DCHS2: variants seen among roughly 807,000 people sequenced by gnomAD.
The protein encoded by DCHS2 is protocadherin-23.
In DCHS2, 142 loss-of-function variants were observed where a neutral mutation model predicts 182.4. The observed-to-expected ratio is 0.78, with a 90% CI of 0.68 to 0.89. DCHS2 has a LOEUF of 0.89. Ranked by LOEUF, DCHS2 falls within the 40% of genes least tolerant of loss-of-function variation. The probability of loss-of-function intolerance (pLI) is 0.00; values close to 1 mark genes in which losing one functional copy is unlikely to be tolerated. For missense variants in DCHS2, 4,319 were observed against 4,198.6 expected (o/e 1.03, Z -0.79); for synonymous variants, 1,740 against 1,663.3 (o/e 1.05, Z -1.12).
chr4:154,357,236 A>G (rs748354802), intron 3 of DCHS2: 1 of 1,611,798 alleles, frequency 6.2e-7, no homozygotes, highest in African/African-American at 1.3e-5. Flanking sequence ...GCCTTAGCAG[A>G]GGTAAAAACA....
At chr4:154,350,214 A>G (rs892897109) in intron 3 of DCHS2, among the ~76,000 whole-genome samples, 1 of 152,220 alleles carries the variant, frequency 6.6e-6, no homozygotes, top group Non-Finnish European at 1.5e-5. Context: ...TTTCTGAAAA[A>G]GTTGTTCTTA....
chr4:154,332,847 T>G lies in DCHS2; in HGVS notation c.3361A>C (p.Arg1121=). The G allele has an allele frequency of 6.2e-7, 1 of 1,614,166 alleles. No individual in the cohort carries two copies. Among genetic ancestry groups the G allele is most frequent in the Non-Finnish European group, 8.5e-7 (1 of 1,180,034 alleles). Residue 1121 remains arginine, a synonymous_variant, in exon 5 of 20, where the codon AGG becomes CGG. Coordinates refer to ENST00000357232, the MANE Select transcript of DCHS2 (RefSeq NM_001358235.2). Reference sequence around the variant, plus strand: ...TCTACGCTGGGTTCCAGCGAGTACCTAAGAGGCGAGGCTGCACGCTGGGGG... The same window carrying G: ...TCTACGCTGGGTTCCAGCGAGTACCGAAGAGGCGAGGCTGCACGCTGGGGG... ...LGPQRAASPL[R]YSLEPSVDSA...
intron 1 of DCHS2, among the ~76,000 whole-genome samples, chr4:154,418,513 G>T (rs1443765607): frequency 1.3e-5 from 2 of 152,036 alleles, no homozygotes; most frequent in Non-Finnish European, 2.9e-5. Flanking sequence ...CATATCAAAG[G>T]AATTTGTAAA....
At chr4:154,239,034 T>C in intron 19 of DCHS2, 136 bp downstream of exon 19, 3 of 1,198,398 alleles carry the variant, frequency 2.5e-6, no homozygotes, top group Non-Finnish European at 3.4e-6. Flanking sequence ...TGAAGAGTAA[T>C]GAAACAGTCG....
chr4:154,259,795 T>C, intron 14 of DCHS2, 39 bp from the exon 15 acceptor site: 1 of 1,542,372 alleles, frequency 6.5e-7, no homozygotes, highest in South Asian at 1.3e-5. Flanking sequence ...GAAAATGATG[T>C]TGTAGTTATT....
At position 154,412,530 on chromosome 4, in the gene DCHS2, C is replaced by T. The variant is rs142558385; in HGVS notation, c.2053-35086G>A. The stretch of plus-strand genomic sequence containing the variant: ...GGTCCCTCACCGAGAAAATGTTCCT[C>T]ATCCATAATATACGCAAAACTGAAA... On this transcript the variant is annotated intron_variant, in intron 1 of 19. Transcript: ENST00000357232. 5.1e-3 allele frequency among the ~76,000 whole-genome samples: 771 copies of T among 152,264 alleles called. 5 individuals are homozygous for T. The highest frequency in any genetic ancestry group is 0.011 in the Admixed American group (170 of 15,288).
chr4:154,315,459 G>C lies in DCHS2; in HGVS notation c.5260+289C>G, dbSNP rs115499575. ...TACTCTGAAAGAAATGTGATGCTTT[G>C]TCCATACTTCGATTATCAAGATCAA... On this transcript the variant is annotated intron_variant, in intron 10 of 19. Coordinates refer to ENST00000357232, the MANE Select transcript of DCHS2 (RefSeq NM_001358235.2). Among the ~76,000 whole-genome samples the C allele has an allele frequency of 5.8e-3, 885 of 152,100 alleles. 9 individuals carry two copies. Among genetic ancestry groups the C allele is most frequent in the African/African-American group, 0.021 (862 of 41,494 alleles).
chr4:154,474,156 G>A (rs964051160), intron 1 of DCHS2, among the ~76,000 whole-genome samples: 5 of 152,128 alleles, frequency 3.3e-5, no homozygotes, highest in African/African-American at 9.7e-5. Context: ...CTTCTCCCCT[G>A]TCTCGAACTT....
intron 5 of DCHS2, among the ~76,000 whole-genome samples, chr4:154,331,099 A>G (rs1158290241): frequency 1.3e-5 from 2 of 152,122 alleles, no homozygotes; most frequent in African/African-American, 4.8e-5. Flanking sequence ...CCAGGCTCTG[A>G]AGGACACCCT....
intron 1 of DCHS2, among the ~76,000 whole-genome samples, chr4:154,425,423 C>T (rs1245467957): frequency 6.6e-6 from 1 of 152,230 alleles, no homozygotes; most frequent in Non-Finnish European, 1.5e-5. Flanking sequence ...ACCGAGGTCA[C>T]TTGCATTTCC....
Position 154,315,887 on chromosome 4 carries a change from GGA to G in DCHS2, c.5119_5120del (p.Ser1707ProfsTer9), listed in dbSNP as rs1200089512. On this transcript the variant is annotated frameshift_variant, in exon 10 of 20. Transcript: ENST00000357232. LOFTEE classifies it high-confidence loss of function. ...LDDGTPALSS[S>X]QTLTVTVLDV... is the part of the protein sequence containing the mutation. ...CAAGAACAGTAACTGTCAAAGTCTG[GGA>G]TGAAGAAAGTGCTGGTGTGCCATCA... 1 of 1,613,896 alleles carries G rather than the reference GGA, an allele frequency of 6.2e-7. No homozygotes were observed. The highest frequency in any genetic ancestry group is 1.1e-5 in the South Asian group (1 of 91,074).
At chr4:154,390,555 C>A (rs990109541) in intron 1 of DCHS2, among the ~76,000 whole-genome samples, 6 of 152,094 alleles carry the variant, frequency 3.9e-5, no homozygotes, top group Admixed American at 3.9e-4. Flanking sequence ...AGCCCAAATA[C>A]ACCTACATCA....
chr4:154,446,567 G>A (rs1223992595), intron 1 of DCHS2, among the ~76,000 whole-genome samples: 1 of 152,114 alleles, frequency 6.6e-6, no homozygotes. Context: ...TACAGATGAG[G>A]AAACTGAGTC....
Position 154,242,768 on chromosome 4 carries a change from T to C in DCHS2, c.6946A>G (p.Ile2316Val). ...ATCCCTTTATCTGTGGCTTGGACAA[T>C]CAAGCTGGTTTGGAAAAAGAATCAA... is the stretch of plus-strand genomic sequence containing the variant. ...DYELTSSYSL[I>V]VQATDKGMPR... The change falls in exon 17 of 20, where the codon ATT becomes GTT. Residue 2316 changes from isoleucine (I) to valine (V), a missense_variant. By Grantham distance (29) the Ile-to-Val change is conservative. Coordinates refer to ENST00000357232, the MANE Select transcript of DCHS2 (RefSeq NM_001358235.2). 11 of 1,603,596 alleles carry C rather than the reference T, an allele frequency of 6.9e-6. 1 individual carries two copies. Among genetic ancestry groups the C allele is most frequent in the Non-Finnish European group, 9.3e-6 (11 of 1,176,498 alleles).
At chr4:154,442,525 GGA>G in intron 1 of DCHS2, among the ~76,000 whole-genome samples, 1 of 76,094 alleles carries the variant, frequency 1.3e-5, no homozygotes, top group African/African-American at 4.5e-5. Flanking sequence ...ACTGAAAAGT[GGA>G]CACCCCCCCC....
chr4:154,427,034 A>G (rs1178069703), intron 1 of DCHS2, among the ~76,000 whole-genome samples: 1 of 152,208 alleles, frequency 6.6e-6, no homozygotes, highest in Non-Finnish European at 1.5e-5. Context: ...TGATTCATGA[A>G]TGTTTCACTT....
At chr4:154,290,518 A>T (rs1020693702) in intron 13 of DCHS2, among the ~76,000 whole-genome samples, 1 of 152,118 alleles carries the variant, frequency 6.6e-6, no homozygotes, top group Non-Finnish European at 1.5e-5. Flanking sequence ...AAAGGGAATC[A>T]CATTACCTGG....
At chr4:154,428,243 G>A (rs1373764769) in intron 1 of DCHS2, among the ~76,000 whole-genome samples, 1 of 152,114 alleles carries the variant, frequency 6.6e-6, no homozygotes, top group Non-Finnish European at 1.5e-5. Context: ...GCCAATTCTA[G>A]GTGCGAAAAA....
chr4:154,366,791 G>T (rs892136780), intron 2 of DCHS2, among the ~76,000 whole-genome samples: 1 of 152,212 alleles, frequency 6.6e-6, no homozygotes, highest in Non-Finnish European at 1.5e-5. Context: ...TAGAGCAGCT[G>T]TGAGGCAAAA....
Sources: allele counts gnomAD v4.1 joint callset (sites outside exome capture counted in the v4.1 genomes callset), GRCh38; gene constraint gnomAD v4.1.1; transcripts MANE v1.5; gene names NCBI Gene and HGNC (gene_info 2026-07-23, HGNC 2026-07-21).